Variants in RAP1GAP observed in about 807,000 individuals in gnomAD.
RAP1GAP encodes RAP1 GTPase activating protein.
Under a neutral mutation model 87.2 loss-of-function variants are expected in RAP1GAP, and 35 were observed. The observed-to-expected ratio is 0.40, with a 90% confidence interval of 0.31 to 0.53. The LOEUF is 0.53. Among genes scored for constraint, RAP1GAP ranks in the 20% least tolerant of loss-of-function variants. The pLI is 0.48. For synonymous variants in RAP1GAP, 375 were observed against 363.9 expected, an observed-to-expected ratio of 1.03 and a Z score of -0.35; for missense variants, 734 against 898.9, an observed-to-expected ratio of 0.82 and a Z score of 2.35.
intron 1 of RAP1GAP, among the ~76,000 whole-genome samples, chr1:21,654,686 GC>G (rs968585761): frequency 7.2e-5 from 11 of 152,054 alleles, no homozygotes; most frequent in African/African-American, 2.7e-4. Context: ...CTAAAAATTA[GC>G]CAGGTGTGAT....
intron 1 of RAP1GAP, among the ~76,000 whole-genome samples, chr1:21,654,188 C>A (rs3767126): frequency 3.2e-4 from 49 of 152,164 alleles, no homozygotes; most frequent in Middle Eastern, 3.4e-3. Context: ...CCTTTGGTGA[C>A]GGCTGAATTT....
At chr1:21,664,461 C>T (rs965107699) in intron 1 of RAP1GAP, among the ~76,000 whole-genome samples, 4 of 152,272 alleles carry the variant, frequency 2.6e-5, no homozygotes, top group Middle Eastern at 3.4e-3. Flanking sequence ...GTCCCTACCC[C>T]CACCTTCCAT....
At position 21,599,026 on chromosome 1, in the gene RAP1GAP, C is replaced by A. The variant is rs371554329; in HGVS notation, c.1776+468G>T. ...GAACGTAAAGGGGCTTCCTAACCTA[C>A]CCCGAGATTAGGAAATCAGGGAAGG... On this transcript the variant is annotated intron_variant, in intron 21 of 24. Coordinates refer to ENST00000374765, the MANE Select transcript of RAP1GAP (RefSeq NM_002885.4). 5.3e-5 allele frequency among the ~76,000 whole-genome samples: 8 copies of A among 152,246 alleles called. No individual in the cohort carries two copies. The East Asian group carries it at 1.5e-3, about 29-fold the overall frequency.
At chr1:21,625,051 G>A (rs1323949096) in intron 3 of RAP1GAP, among the ~76,000 whole-genome samples, 2 of 152,210 alleles carry the variant, frequency 1.3e-5, no homozygotes, top group African/African-American at 2.4e-5. Flanking sequence ...GGATCCACAT[G>A]CCCCAGTCTT....
chr1:21,651,536 C>T lies in RAP1GAP; in HGVS notation c.-148-1740G>A, dbSNP rs142232402. The T allele has an allele frequency of 1.0e-3, 689 of 674,652 alleles. 4 individuals are homozygous for T. In the African/African-American group the frequency reaches 0.011, roughly 11 times the overall value. 41.8% of individuals were successfully genotyped at this position (674,652 alleles called of 1,614,324 possible). ...CACAGCAATGTCCACCCTGCACTCACCTCCCCACACATGCACATGGACACG... is the reference window on the plus strand; with the variant it reads ...CACAGCAATGTCCACCCTGCACTCATCTCCCCACACATGCACATGGACACG... On this transcript the variant is annotated intron_variant, in intron 1 of 24. Coordinates refer to ENST00000374765, the MANE Select transcript of RAP1GAP (RefSeq NM_002885.4).
At chr1:21,660,549 G>T (rs1421179642) in intron 1 of RAP1GAP, among the ~76,000 whole-genome samples, 1 of 151,394 alleles carries the variant, frequency 6.6e-6, no homozygotes, top group African/African-American at 2.4e-5. Context: ...GGCCAGGCTG[G>T]TCTTCAACTC....
Position 21,598,396 on chromosome 1 carries a change from G to A in RAP1GAP, c.1879+4C>T. 1 of 1,610,124 alleles carries A rather than the reference G, an allele frequency of 6.2e-7. No individual in the cohort carries two copies. Among genetic ancestry groups the A allele is most frequent in the Admixed American group, 1.7e-5 (1 of 60,006 alleles). On this transcript the variant is annotated splice_donor_region_variant and intron_variant, in intron 22 of 24. Transcript: ENST00000374765. The stretch of plus-strand genomic sequence containing the variant: ...TTTGTGGGGAAGCTGCCTTGTCCTG[G>A]TACCTGGGGAGCTGCCCCCACTAGT...
chr1:21,622,550 G>C lies in RAP1GAP; in HGVS notation c.-18-2500C>G, dbSNP rs991006803. 6.8e-6 allele frequency: 1 copy of C among 147,498 alleles called. No individual in the cohort carries two copies. Among genetic ancestry groups the C allele is most frequent in the Non-Finnish European group, 1.5e-5 (1 of 66,656 alleles). The allele number at this position is 147,498 out of a possible 1,614,324, so 9.1% of individuals were successfully genotyped here. ...CCGGCTCCCGGCGGCGGCGCTGCCTGCGATGGGCTCGCCCCACGGCGGGGC... is the reference window on the plus strand; with the variant it reads ...CCGGCTCCCGGCGGCGGCGCTGCCTCCGATGGGCTCGCCCCACGGCGGGGC... On this transcript the variant is annotated intron_variant, in intron 3 of 24. Coordinates refer to ENST00000374765, the MANE Select transcript of RAP1GAP (RefSeq NM_002885.4). This position sits in a 1 kb window ranked among gnomAD's most constrained non-coding sequence, Gnocchi z 5.7.
In RAP1GAP at chr1:21,599,539, G is replaced by A. The variant is rs780821322; in HGVS notation, c.1731C>T (p.Ser577=). 27 of 1,609,476 alleles carry A rather than the reference G, an allele frequency of 1.7e-5. No individual in the cohort carries two copies. Among genetic ancestry groups the A allele is most frequent in the East Asian group, 6.7e-5 (3 of 44,888 alleles). The change falls in exon 21 of 25, where the codon AGC becomes AGT. Residue 577 remains serine, a synonymous_variant. Transcript: ENST00000374765. ...RSSSSASSFA[S]VVEETEGVDG... is the part of the protein sequence containing the mutation. Reference sequence around the variant, plus strand: ...CCACACCCTCCGTCTCCTCCACCACGCTGGCGAAGCTGCTGGCACTGGACG... The same window carrying A: ...CCACACCCTCCGTCTCCTCCACCACACTGGCGAAGCTGCTGGCACTGGACG...
Position 21,608,346 on chromosome 1 carries a change from C to G in RAP1GAP, c.1163G>C (p.Arg388Pro). ...CGTCTCCAGGAGGGCGGCCCGCGTC[C>G]GCTCCTGTGGGCCAGGCCCGGGCCG... Reference protein sequence around the residue: ...KAEKFAKLEERTRAALLETLY... With the variant: ...KAEKFAKLEEPTRAALLETLY... The change falls in exon 17 of 25, where the codon CGG becomes CCG. Residue 388 changes from arginine to proline, a missense_variant. By Grantham distance (103) the Arg-to-Pro change is moderately radical. Coordinates refer to ENST00000374765, the MANE Select transcript of RAP1GAP (RefSeq NM_002885.4). 6.2e-7 allele frequency: 1 copy of G among 1,612,906 alleles called. No individual in the cohort carries two copies. The highest frequency in any genetic ancestry group is 1.7e-4 in the Middle Eastern group (1 of 6,046).
At chr1:21,604,224 G>A (rs1309012243) in intron 18 of RAP1GAP, among the ~76,000 whole-genome samples, 2 of 152,012 alleles carry the variant, frequency 1.3e-5, no homozygotes, top group Non-Finnish European at 2.9e-5. Context: ...CAGAGAGACA[G>A]GGACGCAAGG....
chr1:21,627,411 T>TC (rs570776838), intron 2 of RAP1GAP, among the ~76,000 whole-genome samples: 33,915 of 106,688 alleles, frequency 0.32, 4,605 homozygotes, highest in East Asian at 0.67. Context: ...CCCTTCTTCT[T>TC]TTTTTTTTTT....
chr1:21,622,072 C>T lies in RAP1GAP; in HGVS notation c.-18-2022G>A, dbSNP rs1281716529. On this transcript the variant is annotated intron_variant, in intron 3 of 24. Transcript: ENST00000374765. This position sits in a 1 kb window ranked among gnomAD's most constrained non-coding sequence, Gnocchi z 5.7. ...GGGGCAGGGGCAGGGTAAAGTGGTC[C>T]CGACGGTAGCACGCACCCACACACA... Among the ~76,000 whole-genome samples, 1 of 152,144 alleles carries T rather than the reference C, an allele frequency of 6.6e-6. No individual in the cohort carries two copies. The highest frequency in any genetic ancestry group is 1.5e-5 in the Non-Finnish European group (1 of 68,020).
At chr1:21,608,697 C>T (rs2076360308) in intron 16 of RAP1GAP, among the ~76,000 whole-genome samples, 153 bp downstream of exon 16, 1 of 152,094 alleles carries the variant, frequency 6.6e-6, no homozygotes, top group East Asian at 1.9e-4. Context: ...CTTCCTCTCC[C>T]CGACCTCCTA....
chr1:21,613,373 C>A lies in RAP1GAP; in HGVS notation c.475-144G>T. 1.2e-6 allele frequency: 1 copy of A among 829,648 alleles called. No homozygotes were observed. The highest frequency in any genetic ancestry group is 2.0e-6 in the Non-Finnish European group (1 of 496,000). The allele number at this position is 829,648 out of a possible 1,614,324, so 51.4% of individuals were successfully genotyped here. A position where few individuals can be genotyped will look rare whatever the true frequency, so the allele number is the denominator to read the frequency against. The stretch of plus-strand genomic sequence containing the variant: ...AAGCAGGACTCGGGGTTCACTGTTG[C>A]TCAGGGAACGGAGGTCCCCTGAGAT... On this transcript the variant is annotated intron_variant, in intron 9 of 24. Transcript: ENST00000374765. This position sits in a 1 kb window ranked among gnomAD's most constrained non-coding sequence, Gnocchi z 4.7.
Position 21,603,719 on chromosome 1 carries a change from G to T in RAP1GAP, c.1429-806C>A. The T allele has an allele frequency of 8.7e-7, 1 of 1,153,478 alleles. No individual in the cohort carries two copies. The allele number at this position is 1,153,478 out of a possible 1,614,324, so 71.5% of individuals were successfully genotyped here. A position where few individuals can be genotyped will look rare whatever the true frequency, so the allele number is the denominator to read the frequency against. ...GCCGCCACTCCATCCCGCACGCCCT[G>T]GGGCCTGTCCCGGGGGCAGAGGGGC... On this transcript the variant is annotated intron_variant, in intron 18 of 24. Transcript: ENST00000374765. The surrounding 1 kb of genome is among the most constrained non-coding windows in gnomAD (Gnocchi z 6.0).
Position 21,609,019 on chromosome 1 carries a change from G to A in RAP1GAP, c.1072-83C>T. 1 of 1,162,590 alleles carries A rather than the reference G, an allele frequency of 8.6e-7. No individual in the cohort carries two copies. The highest frequency in any genetic ancestry group is 1.3e-6 in the Non-Finnish European group (1 of 772,760). 72.0% of individuals were successfully genotyped at this position (1,162,590 alleles called of 1,614,324 possible). On this transcript the variant is annotated intron_variant, in intron 15 of 24. Coordinates refer to ENST00000374765, the MANE Select transcript of RAP1GAP (RefSeq NM_002885.4). This position sits in a 1 kb window ranked among gnomAD's most constrained non-coding sequence, Gnocchi z 4.4. The stretch of plus-strand genomic sequence containing the variant: ...AGGGTCGGAACCCCAACGAGGCAGA[G>A]GCTGCAGCTCCTGAACCATGCTCTG...
chr1:21,643,946 T>C (rs901166362), intron 2 of RAP1GAP, among the ~76,000 whole-genome samples: 1 of 152,102 alleles, frequency 6.6e-6, no homozygotes, highest in Non-Finnish European at 1.5e-5. Context: ...CACCAGGAGA[T>C]AGGGGCACAC....
At position 21,614,104 on chromosome 1, in the gene RAP1GAP, G is replaced by T. The variant is rs1342432271; in HGVS notation, c.292-15C>A. 6.5e-7 allele frequency: 1 copy of T among 1,543,130 alleles called. No homozygotes were observed. Among genetic ancestry groups the T allele is most frequent in the Non-Finnish European group, 8.9e-7 (1 of 1,123,378 alleles). On this transcript the variant is annotated splice_polypyrimidine_tract_variant and intron_variant, in intron 7 of 24. Coordinates refer to ENST00000374765, the MANE Select transcript of RAP1GAP (RefSeq NM_002885.4). ...TTGAAATGCTCCTGCAGTGGGAGGT[G>T]GGGGCCAGGGGAGTGGGTGAGGCTG... is the stretch of plus-strand genomic sequence containing the variant.
Sources: allele counts gnomAD v4.1 joint callset (sites outside exome capture counted in the v4.1 genomes callset), GRCh38; gene constraint gnomAD v4.1.1; non-coding constraint Gnocchi (gnomAD v3.1); transcripts MANE v1.5; gene names NCBI Gene and HGNC (gene_info 2026-07-23, HGNC 2026-07-21).